CDH23: variants seen among roughly 807,000 people sequenced by gnomAD.
CDH23 encodes cadherin-23.
In CDH23, 189 loss-of-function variants were observed where a neutral mutation model predicts 317.1. The observed-to-expected ratio is 0.60, with a 90% CI of 0.53 to 0.67. The LOEUF is 0.67. Ranked by LOEUF, CDH23 falls within the 30% of genes least tolerant of loss-of-function variation. The pLI is 0.00. For missense variants in CDH23, 4,401 were observed against 4,592.4 expected, an observed-to-expected ratio of 0.96 and a Z score of 1.20; for synonymous variants, 1,839 against 1,876.8, an observed-to-expected ratio of 0.98 and a Z score of 0.52.
intron 11 of CDH23, among the ~76,000 whole-genome samples, chr10:71,643,486 G>A (rs1320700726): frequency 6.6e-6 from 1 of 152,062 alleles, no homozygotes; most frequent in South Asian, 2.1e-4. Flanking sequence ...TGTAGGGATG[G>A]CCCCTCCCAT....
At chr10:71,810,649 C>A (rs1391982426) in intron 62 of CDH23, 80 bp downstream of exon 62, 15 of 1,283,636 alleles carry the variant, frequency 1.2e-5, no homozygotes, top group South Asian at 1.2e-5. Flanking sequence ...GGGGACACAC[C>A]AAAGGAGACA....
chr10:71,737,822 G>A (rs557562829), intron 34 of CDH23: 92 of 466,968 alleles, frequency 2.0e-4, no homozygotes, highest in Non-Finnish European at 3.2e-4. Flanking sequence ...CAAGAAGCCC[G>A]AGCCACAGAC....
intron 3 of CDH23, among the ~76,000 whole-genome samples, chr10:71,489,920 T>C (rs1350608069): frequency 2.6e-5 from 4 of 152,032 alleles, no homozygotes; most frequent in Non-Finnish European, 5.9e-5. Context: ...GAGAGTTCAT[T>C]TTCTTTTCTT....
chr10:71,530,740 C>T (rs925304300), intron 6 of CDH23, among the ~76,000 whole-genome samples: 1 of 152,212 alleles, frequency 6.6e-6, no homozygotes, highest in Non-Finnish European at 1.5e-5. Flanking sequence ...ACCTTCTGTC[C>T]GACCAATGCA....
intron 3 of CDH23, among the ~76,000 whole-genome samples, chr10:71,446,711 G>A (rs1850188109): frequency 6.6e-6 from 1 of 152,192 alleles, no homozygotes; most frequent in South Asian, 2.1e-4. Context: ...ACTTTGTTTT[G>A]TGGCCTTTTG....
chr10:71,687,917 A>G (rs903762425), intron 19 of CDH23, among the ~76,000 whole-genome samples, 198 bp downstream of exon 19: 2 of 152,168 alleles, frequency 1.3e-5, no homozygotes, highest in Non-Finnish European at 2.9e-5. Flanking sequence ...CTAGTTCCAG[A>G]GCACCTGCTA....
chr10:71,510,177 G>C lies in CDH23; in HGVS notation c.241G>C (p.Glu81Gln). Residue 81 changes from glutamate to glutamine, a missense_variant, in exon 4 of 70, where the codon GAG becomes CAG. Physicochemically the swap from Glu to Gln is conservative, Grantham distance 29. Transcript: ENST00000224721. ...GEEASRFFAVEPDTGVVWLRQ... is the reference protein window; with the variant it reads ...GEEASRFFAVQPDTGVVWLRQ... ...GGAGGCCTCTCGCTTCTTTGCAGTG[G>C]AGCCTGACACTGGCGTGGTGTGGCT... 2 of 1,613,982 alleles carry C rather than the reference G, an allele frequency of 1.2e-6. No homozygotes were observed. Among genetic ancestry groups the C allele is most frequent in the Non-Finnish European group, 1.7e-6 (2 of 1,179,878 alleles).
At chr10:71,788,740 C>A (rs1841165601) in intron 44 of CDH23, among the ~76,000 whole-genome samples, 200 bp from the exon 45 acceptor site, 1 of 152,238 alleles carries the variant, frequency 6.6e-6, no homozygotes, top group East Asian at 1.9e-4. Flanking sequence ...CAGGCATGAG[C>A]CACTGCACCC....
Position 71,785,033 on chromosome 10 carries a change from G to A in CDH23, c.5645G>A (p.Cys1882Tyr), listed in dbSNP as rs750889773. ...HVLASDADSGCNARLTFNITA... is the reference protein window; with the variant it reads ...HVLASDADSGYNARLTFNITA... ...CTGGCCAGTGACGCTGACAGTGGCT[G>A]CAATGCACGCCTCACCTTCAACATC... The change falls in exon 43 of 70, where the codon TGC (cysteine) becomes TAC (tyrosine). Residue 1882 changes from cysteine (C) to tyrosine (Y), a missense_variant. Physicochemically the swap from Cys to Tyr is radical, Grantham distance 194 (BLOSUM62 -2). Coordinates refer to ENST00000224721, the MANE Select transcript of CDH23 (RefSeq NM_022124.6). 1.9e-6 allele frequency: 3 copies of A among 1,614,098 alleles called. No homozygotes were observed. The highest frequency in any genetic ancestry group is 2.5e-6 in the Non-Finnish European group (3 of 1,179,902).
chr10:71,751,593 T>C lies in CDH23; in HGVS notation c.4845+9672T>C. 6.8e-7 allele frequency: 1 copy of C among 1,464,712 alleles called. No individual in the cohort carries two copies. The highest frequency in any genetic ancestry group is 9.1e-7 in the Non-Finnish European group (1 of 1,097,210). The allele number at this position is 1,464,712 out of a possible 1,614,324, so 90.7% of individuals were successfully genotyped here. A position where few individuals can be genotyped will look rare whatever the true frequency, so the allele number is the denominator to read the frequency against. On this transcript the variant is annotated intron_variant, in intron 38 of 69. Coordinates refer to ENST00000224721, the MANE Select transcript of CDH23 (RefSeq NM_022124.6). The surrounding 1 kb of genome is among the most constrained non-coding windows in gnomAD (Gnocchi z 4.9). ...GGAACTCTTCAGGGAGGGCAGGGAG[T>C]GAGGCCGATGCCCTGCAGGCCATGA... is the stretch of plus-strand genomic sequence containing the variant.
chr10:71,583,714 C>CG (rs1340590342), intron 9 of CDH23, among the ~76,000 whole-genome samples: 1 of 152,064 alleles, frequency 6.6e-6, no homozygotes. Flanking sequence ...CCCCGAGTGA[C>CG]GGGAGGAGAA....
rs149074781 is a variant in CDH23, at chr10:71,712,503, G to GT, written c.3221-160dup. On this transcript the variant is annotated intron_variant, in intron 27 of 69. Coordinates refer to ENST00000224721, the MANE Select transcript of CDH23 (RefSeq NM_022124.6). ...TATCTAAGTATTTGATACTGTTAGTGTTATTCCTAAGCTAAAAAGGAAGTC... is the reference window on the plus strand; with the variant it reads ...TATCTAAGTATTTGATACTGTTAGTGTTTATTCCTAAGCTAAAAAGGAAGTC... 2.6e-3 allele frequency: 1,762 copies of GT among 670,438 alleles called. 19 individuals are homozygous for GT. Among genetic ancestry groups the GT allele is most frequent in the African/African-American group, 0.02 (1,123 of 55,478 alleles). The allele number at this position is 670,438 out of a possible 1,614,324, so 41.5% of individuals were successfully genotyped here.
At position 71,812,900 on chromosome 10, in the gene CDH23, C is replaced by T; in HGVS notation, c.9633+10C>T. The T allele has an allele frequency of 6.2e-7, 1 of 1,612,898 alleles. No homozygotes were observed. Among genetic ancestry groups the T allele is most frequent in the Non-Finnish European group, 8.5e-7 (1 of 1,179,442 alleles). On this transcript the variant is annotated intron_variant, in intron 68 of 69. Transcript: ENST00000224721. ...TGAGGGGCCAATCAAGGTGAGCCTT[C>T]CCTGCAGGCTCCGCGCCCAGTCCCT...
intron 9 of CDH23, among the ~76,000 whole-genome samples, chr10:71,615,011 A>G (rs887375248): frequency 4.6e-5 from 7 of 152,348 alleles, no homozygotes; most frequent in Middle Eastern, 3.4e-3. Context: ...GAAACTTTAC[A>G]TCACGGTCAT....
chr10:71,737,571 G>C (rs1839600938), intron 34 of CDH23, among the ~76,000 whole-genome samples: 1 of 152,214 alleles, frequency 6.6e-6, no homozygotes, highest in South Asian at 2.1e-4. Flanking sequence ...CCTGTGCAGA[G>C]TCAGCAGGAC....
At chr10:71,681,067 A>G (rs1864625824) in intron 17 of CDH23, among the ~76,000 whole-genome samples, 1 of 151,746 alleles carries the variant, frequency 6.6e-6, no homozygotes, top group Non-Finnish European at 1.5e-5. Flanking sequence ...ACCTCAAGCC[A>G]TCCTCCTGCC....
In CDH23 at chr10:71,460,144, CAT is replaced by C. The variant is rs138699491; in HGVS notation, c.145+13750_145+13751del. ...AGCTGCTGAGCTGAATTCAAGCCCA[CAT>C]GTCTCTCTCTCTCTCCATAACCAAT... On this transcript the variant is annotated intron_variant, in intron 3 of 69. Transcript: ENST00000224721. 1.2e-4 allele frequency among the ~76,000 whole-genome samples: 19 copies of C among 152,374 alleles called. No homozygotes were observed. The East Asian group carries it at 2.5e-3, about 20-fold the overall frequency.
At chr10:71,737,140 A>G (rs141190402) in intron 34 of CDH23, among the ~76,000 whole-genome samples, 35 of 152,226 alleles carry the variant, frequency 2.3e-4, no homozygotes, top group Non-Finnish European at 3.5e-4. Flanking sequence ...TCCCATTTCA[A>G]ATGGGCGGAC....
chr10:71,707,357 C>T lies in CDH23; in HGVS notation c.3106+308C>T, dbSNP rs1043708767. The T allele has an allele frequency of 5.0e-6, 7 of 1,387,242 alleles. No homozygotes were observed. The African/African-American group carries it at 7.2e-5, about 14-fold the overall frequency. 85.9% of individuals were successfully genotyped at this position (1,387,242 alleles called of 1,614,324 possible). A position where few individuals can be genotyped will look rare whatever the true frequency, so the allele number is the denominator to read the frequency against. ...AGGCCCCATGATTCCTAGGGAGGAG[C>T]CCTGAGCCCCACTCCCCGCCCCAAG... On this transcript the variant is annotated intron_variant, in intron 26 of 69. Transcript: ENST00000224721.
Sources: allele counts gnomAD v4.1 joint callset (sites outside exome capture counted in the v4.1 genomes callset), GRCh38; gene constraint gnomAD v4.1.1; non-coding constraint Gnocchi (gnomAD v3.1); transcripts MANE v1.5; gene names NCBI Gene and HGNC (gene_info 2026-07-23, HGNC 2026-07-21).